GABBR2: variants seen among roughly 807,000 people sequenced by gnomAD.
GABBR2 encodes gamma-aminobutyric acid type B receptor subunit 2, also known as G-protein coupled receptor 51.
A neutral mutation model predicts 105.6 loss-of-function variants in GABBR2; 23 were observed. The ratio of observed to expected loss-of-function variants is 0.22; its 90% CI spans 0.16 to 0.31. The LOEUF is 0.31. GABBR2 is among the 10% of genes least tolerant of loss of function. The pLI is 1.00. For missense variants in GABBR2, 734 were observed against 1,245.5 expected, an observed-to-expected ratio of 0.59 and a Z score of 6.18; for synonymous variants, 478 against 499.7, an observed-to-expected ratio of 0.96 and a Z score of 0.58.
At chr9:98,663,033 T>C (rs764330081) in intron 1 of GABBR2, among the ~76,000 whole-genome samples, 2 of 152,148 alleles carry the variant, frequency 1.3e-5, no homozygotes, top group Non-Finnish European at 2.9e-5. Context: ...TTGATCATGA[T>C]GAGAGGACCC....
At chr9:98,477,765 C>T (rs768138910) in intron 5 of GABBR2, among the ~76,000 whole-genome samples, 6 of 152,200 alleles carry the variant, frequency 3.9e-5, no homozygotes, top group Non-Finnish European at 8.8e-5. Flanking sequence ...AAAGACGTTT[C>T]CTTTTTATAT....
intron 1 of GABBR2, among the ~76,000 whole-genome samples, chr9:98,590,554 TCACAAA>T (rs1176531354): frequency 1.3e-5 from 2 of 152,196 alleles, no homozygotes; most frequent in Non-Finnish European, 2.9e-5. Flanking sequence ...AAAGTCAGGG[TCACAAA>T]CACAAAGTGT....
At chr9:98,314,888 C>CAGTGCTGAGCAAGTCA (rs3837263) in intron 13 of GABBR2, among the ~76,000 whole-genome samples, 2,708 of 152,106 alleles carry the variant, frequency 0.018, 80 homozygotes, top group African/African-American at 0.06. Flanking sequence ...GTACTCCAGG[C>CAGTGCTGAGCAAGTCA]AGTGCTGAGC....
At chr9:98,702,786 C>T (rs1192195276) in intron 1 of GABBR2, among the ~76,000 whole-genome samples, 1 of 152,192 alleles carries the variant, frequency 6.6e-6, no homozygotes, top group Non-Finnish European at 1.5e-5. Context: ...ATGATCTTCC[C>T]TTTCTCTTAA....
chr9:98,583,097 G>C (rs1430402116), intron 1 of GABBR2, among the ~76,000 whole-genome samples: 1 of 152,216 alleles, frequency 6.6e-6, no homozygotes, highest in African/African-American at 2.4e-5. Context: ...CTCCAGATCA[G>C]AGCTCTTGGC....
chr9:98,460,263 A>G (rs1826400239), intron 6 of GABBR2, among the ~76,000 whole-genome samples: 1 of 152,138 alleles, frequency 6.6e-6, no homozygotes, highest in African/African-American at 2.4e-5. Context: ...GGCACCTGTA[A>G]TTCCAGCTAC....
chr9:98,426,917 T>C (rs1029176957), intron 7 of GABBR2, among the ~76,000 whole-genome samples: 3 of 152,128 alleles, frequency 2.0e-5, no homozygotes, highest in African/African-American at 7.2e-5. Flanking sequence ...GCACGAGAAT[T>C]GCTTGAGCCG....
chr9:98,360,604 T>C (rs1264897274), intron 13 of GABBR2, among the ~76,000 whole-genome samples: 4 of 152,280 alleles, frequency 2.6e-5, no homozygotes, highest in East Asian at 3.9e-4. Context: ...TTGAGAACCA[T>C]AGCCTTGGAA....
chr9:98,457,190 A>G (rs1309452705), intron 6 of GABBR2, among the ~76,000 whole-genome samples: 1 of 152,250 alleles, frequency 6.6e-6, no homozygotes, highest in Non-Finnish European at 1.5e-5. Context: ...GCTTTCTCCA[A>G]TGCACGCAAT....
At chr9:98,529,119 C>T (rs1325196470) in intron 3 of GABBR2, among the ~76,000 whole-genome samples, 2 of 151,774 alleles carry the variant, frequency 1.3e-5, no homozygotes, top group South Asian at 2.1e-4. Context: ...CCTCCTGTCC[C>T]ATCCCCGAAT....
At chr9:98,545,064 AT>A (rs1394383475) in intron 2 of GABBR2, among the ~76,000 whole-genome samples, 4 of 152,170 alleles carry the variant, frequency 2.6e-5, no homozygotes, top group Non-Finnish European at 4.4e-5. Context: ...ATCTAATACA[AT>A]TTGGAAAATA....
rs1827860901 is a variant in GABBR2 at position 98,521,311 on chromosome 9, G to A, written c.630+20562C>T. Among the ~76,000 whole-genome samples, 2 of 152,158 alleles carry A rather than the reference G, an allele frequency of 1.3e-5. 1 individual carries two copies. The highest frequency in any genetic ancestry group is 4.1e-4 in the South Asian group (2 of 4,822). On this transcript the variant is annotated intron_variant, in intron 3 of 18. Coordinates refer to ENST00000259455, the MANE Select transcript of GABBR2 (RefSeq NM_005458.8). ...TGGCTCTCCTTCCTGAGAAAGTAGT[G>A]CGGTGCTGCAGGGAGGGTGGATGTG...
chr9:98,436,347 CCATATATATAT>C lies in GABBR2; in HGVS notation c.1236+17623_1236+17633del, dbSNP rs1825914487. On this transcript the variant is annotated intron_variant, in intron 7 of 18. Transcript: ENST00000259455. ...ATATATATATACACACACACACACACCATATATATATATATATATATATATATATATATATA... is the reference window on the plus strand; with the variant it reads ...ATATATATATACACACACACACACACATATATATATATATATATATATATA... Among the ~76,000 whole-genome samples the C allele has an allele frequency of 1.9e-3, 59 of 31,630 alleles. 6 individuals are homozygous for C. The highest frequency in any genetic ancestry group is 4.7e-3 in the African/African-American group (26 of 5,564). 20.8% of individuals were successfully genotyped at this position (31,630 alleles called of 152,430 possible). A position where few individuals can be genotyped will look rare whatever the true frequency, so the allele number is the denominator to read the frequency against.
intron 3 of GABBR2, among the ~76,000 whole-genome samples, chr9:98,518,235 T>C: frequency 6.6e-6 from 1 of 152,202 alleles, no homozygotes; most frequent in African/African-American, 2.4e-5. Context: ...GTTGGTTCCA[T>C]TGCCTCTGCC....
intron 5 of GABBR2, among the ~76,000 whole-genome samples, chr9:98,480,715 C>T (rs1826901518): frequency 6.6e-6 from 1 of 152,140 alleles, no homozygotes. Flanking sequence ...ATGGGTTAGA[C>T]TGAGGTCCCT....
chr9:98,649,792 C>A (rs1830079862), intron 1 of GABBR2, among the ~76,000 whole-genome samples: 2 of 152,204 alleles, frequency 1.3e-5, no homozygotes, highest in South Asian at 2.1e-4. Context: ...AAAATATGTA[C>A]AAACTTTACA....
At chr9:98,657,008 A>G (rs916332123) in intron 1 of GABBR2, among the ~76,000 whole-genome samples, 1 of 152,268 alleles carries the variant, frequency 6.6e-6, no homozygotes, top group East Asian at 1.9e-4. Flanking sequence ...TGACTCATAC[A>G]GTGCTACTTT....
chr9:98,377,941 C>G (rs1831906910), intron 11 of GABBR2, among the ~76,000 whole-genome samples: 1 of 152,188 alleles, frequency 6.6e-6, no homozygotes, highest in Admixed American at 6.5e-5. Context: ...TCTCCTAGCC[C>G]AGCCTTCCTG....
intron 1 of GABBR2, among the ~76,000 whole-genome samples, chr9:98,699,951 C>T (rs1470411487): frequency 6.6e-6 from 1 of 152,162 alleles, no homozygotes; most frequent in African/African-American, 2.4e-5. Flanking sequence ...CTTCCTAAAA[C>T]CAAAATAAGT....
Sources: gnomAD v4.1 joint callset for allele counts (sites outside exome capture counted in the v4.1 genomes callset) on GRCh38, gnomAD v4.1.1 for gene constraint, MANE v1.5 for transcripts, NCBI Gene and HGNC (gene_info 2026-07-23, HGNC 2026-07-21) for gene names.